Variants in FAM83B observed in about 807,000 individuals in gnomAD.
The protein encoded by FAM83B is protein FAM83B.
Under a neutral mutation model 38.8 loss-of-function variants are expected in FAM83B, and 26 were observed. The observed-to-expected ratio is 0.67, with a 90% CI of 0.49 to 0.93. The LOEUF (loss-of-function observed/expected upper bound fraction) is 0.93. Among genes scored for constraint, FAM83B ranks in the 40% least tolerant of loss-of-function variants. FAM83B has a pLI of 0.00. For missense variants in FAM83B, 1,237 were observed against 1,197.3 expected (o/e 1.03, Z -0.49); for synonymous variants, 419 against 423.1 (o/e 0.99, Z 0.12).
chr6:54,929,937 C>G (rs1773384987), intron 4 of FAM83B, among the ~76,000 whole-genome samples: 1 of 152,188 alleles, frequency 6.6e-6, no homozygotes, highest in African/African-American at 2.4e-5. Flanking sequence ...CAACTCTGGT[C>G]CTGATCTCCA....
At chr6:54,930,563 T>G (rs75420647) in intron 4 of FAM83B, among the ~76,000 whole-genome samples, 2,503 of 152,232 alleles carry the variant, frequency 0.016, 64 homozygotes, top group African/African-American at 0.056. Context: ...AAGTCATTTA[T>G]GGCTTAATGT....
chr6:54,853,938 G>A (rs925844528), intron 1 of FAM83B, among the ~76,000 whole-genome samples: 6 of 152,116 alleles, frequency 3.9e-5, no homozygotes, highest in Admixed American at 6.6e-5. Context: ...CATGGGAGGC[G>A]GTCAAAATAT....
At chr6:54,848,808 A>C (rs1211092703) in intron 1 of FAM83B, among the ~76,000 whole-genome samples, 1 of 152,198 alleles carries the variant, frequency 6.6e-6, no homozygotes, top group South Asian at 2.1e-4. Context: ...GGACTCTTCT[A>C]ATACATAAAT....
intron 1 of FAM83B, among the ~76,000 whole-genome samples, chr6:54,866,640 T>C (rs1771712352): frequency 6.6e-6 from 1 of 152,160 alleles, no homozygotes; most frequent in Non-Finnish European, 1.5e-5. Context: ...CAAGTAGTAT[T>C]CCACAGTATG....
Position 54,932,179 on chromosome 6 carries a change from AT to A in FAM83B, c.734+4551del, listed in dbSNP as rs1289724683. ...GTGTGCACCACCACGCCTGGGTAAT[AT>A]TTTGTATTTTTAGTAGAAACTGGGT... On this transcript the variant is annotated intron_variant, in intron 4 of 4. Transcript: ENST00000306858. Among the ~76,000 whole-genome samples the A allele has an allele frequency of 2.0e-5, 3 of 151,494 alleles. No individual in the cohort carries two copies. In the East Asian group the frequency reaches 5.8e-4, roughly 30 times the overall value.
chr6:54,919,033 A>G (rs1240638472), intron 2 of FAM83B, among the ~76,000 whole-genome samples: 1 of 152,144 alleles, frequency 6.6e-6, no homozygotes, highest in Non-Finnish European at 1.5e-5. Flanking sequence ...TTGAGGGCCC[A>G]TGCGTGGGAC....
Position 54,940,514 on chromosome 6 carries a change from G to C in FAM83B, c.1543G>C (p.Ala515Pro), listed in dbSNP as rs768020820. 4 of 1,614,068 alleles carry C rather than the reference G, an allele frequency of 2.5e-6. No individual in the cohort carries two copies. The Admixed American group carries it at 6.7e-5, about 27-fold the overall frequency. Reference sequence around the variant, plus strand: ...AGCTACACCGGACTCAAATGGATCAGCTTTAGGTGACCGATTTGAGGGCTA... The same window carrying C: ...AGCTACACCGGACTCAAATGGATCACCTTTAGGTGACCGATTTGAGGGCTA... ...SEATPDSNGS[A>P]LGDRFEGYDN... Residue 515 changes from alanine (A) to proline (P), a missense_variant, in exon 5 of 5, where the codon GCT (alanine) becomes CCT (proline). Transcript: ENST00000306858.
intron 1 of FAM83B, among the ~76,000 whole-genome samples, chr6:54,865,614 A>G (rs1771682049): frequency 6.6e-6 from 1 of 152,098 alleles, no homozygotes; most frequent in African/African-American, 2.4e-5. Context: ...CACCTGTGAT[A>G]TTTTTTATAT....
chr6:54,851,453 ATTTTG>A (rs939566480), intron 1 of FAM83B, among the ~76,000 whole-genome samples: 2 of 150,622 alleles, frequency 1.3e-5, no homozygotes, highest in Admixed American at 6.6e-5. Context: ...ATTTATTTAC[ATTTTG>A]TTTTGTTTTG....
At chr6:54,879,584 C>T (rs1336219210) in intron 2 of FAM83B, among the ~76,000 whole-genome samples, 1 of 152,026 alleles carries the variant, frequency 6.6e-6, no homozygotes, top group African/African-American at 2.4e-5. Flanking sequence ...TGGGCATTTT[C>T]AGACAGCGGG....
chr6:54,911,885 A>G (rs1157119965), intron 2 of FAM83B, among the ~76,000 whole-genome samples: 2 of 152,102 alleles, frequency 1.3e-5, no homozygotes, highest in African/African-American at 2.4e-5. Flanking sequence ...GTCCTTATGT[A>G]TGAAAGATGA....
At chr6:54,892,624 A>G (rs1772432496) in intron 2 of FAM83B, among the ~76,000 whole-genome samples, 1 of 151,318 alleles carries the variant, frequency 6.6e-6, no homozygotes, top group South Asian at 2.1e-4. Flanking sequence ...CTGCCTCTGA[A>G]TCTTTCCTTT....
At chr6:54,912,234 T>G in intron 2 of FAM83B, among the ~76,000 whole-genome samples, 1 of 151,938 alleles carries the variant, frequency 6.6e-6, no homozygotes, top group South Asian at 2.1e-4. Context: ...GTAATGAAAA[T>G]GGTTGAAGTA....
chr6:54,872,755 C>A (rs1245889076), intron 2 of FAM83B, among the ~76,000 whole-genome samples: 3 of 152,108 alleles, frequency 2.0e-5, no homozygotes, highest in Admixed American at 2.0e-4. Flanking sequence ...GTTGAGGACT[C>A]CCACTTGAAT....
chr6:54,905,869 C>T (rs556393755), intron 2 of FAM83B, among the ~76,000 whole-genome samples: 1 of 151,674 alleles, frequency 6.6e-6, no homozygotes, highest in South Asian at 2.1e-4. Context: ...CTGTTTTTCC[C>T]CATTTGCCCC....
Position 54,870,336 on chromosome 6 carries a change from A to G in FAM83B, c.90A>G (p.Val30=). ...CTCACTACAAGGAATGGTATCGAGT[A>G]GCCATTGATATTCTGATTGAACACG... is the stretch of plus-strand genomic sequence containing the variant. The part of the protein sequence containing the change: ...IEPHYKEWYR[V]AIDILIEHGL... Residue 30 remains valine, a synonymous_variant, in exon 2 of 5, where the codon GTA becomes GTG. Transcript: ENST00000306858. The G allele has an allele frequency of 3.1e-6, 5 of 1,613,936 alleles. No individual in the cohort carries two copies. The highest frequency in any genetic ancestry group is 1.1e-5 in the South Asian group (1 of 91,086).
chr6:54,899,860 A>C (rs1450772743), intron 2 of FAM83B, among the ~76,000 whole-genome samples: 1 of 152,188 alleles, frequency 6.6e-6, no homozygotes, highest in Non-Finnish European at 1.5e-5. Context: ...AATGTTGTTC[A>C]CATGTTCATT....
chr6:54,877,829 A>G (rs947418832), intron 2 of FAM83B, among the ~76,000 whole-genome samples: 3 of 152,202 alleles, frequency 2.0e-5, no homozygotes, highest in Non-Finnish European at 4.4e-5. Context: ...ATAACTAGAA[A>G]GTGGTAAAGA....
intron 1 of FAM83B, among the ~76,000 whole-genome samples, chr6:54,864,965 A>T (rs1316972760): frequency 6.6e-6 from 1 of 152,242 alleles, no homozygotes; most frequent in African/African-American, 2.4e-5. Context: ...TTGAAGTTAT[A>T]TCAGATAACT....
Sources: allele counts gnomAD v4.1 joint callset (sites outside exome capture counted in the v4.1 genomes callset), GRCh38; gene constraint gnomAD v4.1.1; transcripts MANE v1.5; gene names NCBI Gene and HGNC (gene_info 2026-07-23, HGNC 2026-07-21).